Variants in CUL9 observed in about 807,000 individuals in gnomAD.
The protein encoded by CUL9 is cullin 9.
CUL9 carries 79 observed loss-of-function variants against 272.6 expected under a neutral mutation model. That is an observed-to-expected ratio of 0.29 (90% confidence interval 0.24 to 0.35). The LOEUF (loss-of-function observed/expected upper bound fraction) is 0.35. Ranked by LOEUF, CUL9 falls within the 10% of genes least tolerant of loss-of-function variation. The probability of loss-of-function intolerance (pLI) is 1.00; values close to 1 mark genes in which losing one functional copy is unlikely to be tolerated. For missense variants in CUL9, 2,532 were observed against 3,255.6 expected (o/e 0.78, Z 5.41); for synonymous variants, 1,186 against 1,286.5 (o/e 0.92, Z 1.67).
At chr6:43,194,383 A>G (rs1468333932) in intron 9 of CUL9, among the ~76,000 whole-genome samples, 1 of 151,736 alleles carries the variant, frequency 6.6e-6, no homozygotes, top group Non-Finnish European at 1.5e-5. Flanking sequence ...CAGTGGCTCA[A>G]TCTCGGCTCA....
At chr6:43,192,955 C>T in intron 8 of CUL9, 46 bp from the exon 9 acceptor site, 1 of 1,578,778 alleles carries the variant, frequency 6.3e-7, no homozygotes. Context: ...GGAGGTCAGG[C>T]AAGACTCCTT....
At chr6:43,189,221 T>TG (rs1773200202) in intron 8 of CUL9, among the ~76,000 whole-genome samples, 1 of 152,008 alleles carries the variant, frequency 6.6e-6, no homozygotes, top group Non-Finnish European at 1.5e-5. Context: ...GAGACAGTCT[T>TG]GCTATGTCGT....
intron 30 of CUL9, among the ~76,000 whole-genome samples, chr6:43,215,896 C>T (rs1775894655): frequency 1.3e-5 from 2 of 152,226 alleles, no homozygotes; most frequent in Admixed American, 1.3e-4. Flanking sequence ...GGGACTGTCC[C>T]ATCAGCTATT....
Position 43,221,091 on chromosome 6 carries a change from T to C in CUL9, c.6589-67T>C. ...TGTGATCTGTGCCTGCTCCCCTCTC[T>C]CCTGTGCACACCAGCCATGCTGCCC... On this transcript the variant is annotated intron_variant, in intron 33 of 40. Transcript: ENST00000252050. This position sits in a 1 kb window ranked among gnomAD's most constrained non-coding sequence, Gnocchi z 4.2. 12 of 1,568,648 alleles carry C rather than the reference T, an allele frequency of 7.6e-6. No individual in the cohort carries two copies. The highest frequency in any genetic ancestry group is 1.0e-5 in the Non-Finnish European group (12 of 1,157,598).
chr6:43,204,817 G>A lies in CUL9; in HGVS notation c.4409G>A (p.Arg1470Lys). The stretch of plus-strand genomic sequence containing the variant: ...CCAGTGCTTCCAAGCAGCAGCCTGA[G>A]GAACATAACCCAGTGCTGGCTGAGC... Reference protein sequence around the residue: ...PSPVLPSSSLRNITQCWLSVV... With the variant: ...PSPVLPSSSLKNITQCWLSVV... The change falls in exon 22 of 41, where the codon AGG (arginine) becomes AAG (lysine). Residue 1470 changes from arginine to lysine, a missense_variant. By Grantham distance (26) the Arg-to-Lys change is conservative. Transcript: ENST00000252050. 6.2e-7 allele frequency: 1 copy of A among 1,614,240 alleles called. No individual in the cohort carries two copies. Among genetic ancestry groups the A allele is most frequent in the Non-Finnish European group, 8.5e-7 (1 of 1,180,046 alleles).
chr6:43,198,833 ACT>A lies in CUL9; in HGVS notation c.3031_3032del (p.Leu1011AlafsTer16). On this transcript the variant is annotated frameshift_variant, in exon 12 of 41. Transcript: ENST00000252050. LOFTEE classifies it high-confidence loss of function. ...TCTGGATGCTCCGGGGCCCAACAAGACTCTGCTGCTGTCTGTGCTGAGGTGAG... is the reference window on the plus strand; with the variant it reads ...TCTGGATGCTCCGGGGCCCAACAAGACTGCTGCTGTCTGTGCTGAGGTGAG... ...RTLDAPGPNK[T>X]LLLSVLRVIT... 3.1e-6 allele frequency: 5 copies of A among 1,612,760 alleles called. No homozygotes were observed. The highest frequency in any genetic ancestry group is 1.1e-5 in the South Asian group (1 of 91,048).
chr6:43,216,524 C>T (rs747231222), intron 31 of CUL9, 21 bp downstream of exon 31: 1 of 1,556,578 alleles, frequency 6.4e-7, no homozygotes, highest in South Asian at 1.2e-5. Context: ...ACCAGCATTG[C>T]TCCTGCCCCT....
At position 43,223,403 on chromosome 6, in the gene CUL9, G is replaced by C. The variant is rs1472422719; in HGVS notation, c.7284+6G>C. The C allele has an allele frequency of 1.5e-5, 24 of 1,588,804 alleles. No homozygotes were observed. The highest frequency in any genetic ancestry group is 1.8e-5 in the Non-Finnish European group (21 of 1,166,584). On this transcript the variant is annotated splice_donor_region_variant and intron_variant, in intron 39 of 40. Coordinates refer to ENST00000252050, the MANE Select transcript of CUL9 (RefSeq NM_015089.4). The surrounding 1 kb of genome is among the most constrained non-coding windows in gnomAD (Gnocchi z 4.1). ...TCCTGCAGCATTCTGCCCAGGTACT[G>C]CCCGGCCCAGACCCCTTCTGCTCCT...
Position 43,186,067 on chromosome 6 carries a change from G to C in CUL9, c.863G>C (p.Cys288Ser). The C allele has an allele frequency of 6.2e-7, 1 of 1,614,224 alleles. No homozygotes were observed. Among genetic ancestry groups the C allele is most frequent in the South Asian group, 1.1e-5 (1 of 91,080 alleles). Residue 288 changes from cysteine to serine, a missense_variant, in exon 4 of 41, where the codon TGT (cysteine) becomes TCT (serine). By Grantham distance (112) the Cys-to-Ser change is moderately radical. This residue lies in a region of CUL9 where 2,218 missense variants were observed against 2,788.6 expected (regional missense o/e 0.80). Coordinates refer to ENST00000252050, the MANE Select transcript of CUL9 (RefSeq NM_015089.4). ...ELGAGDQSSP[C>S]ATREKSRGQR... ...GGAGCTGGAGACCAAAGCTCCCCATGTGCCACAAGAGAGAAAAGCCGGGGA... is the reference window on the plus strand; with the variant it reads ...GGAGCTGGAGACCAAAGCTCCCCATCTGCCACAAGAGAGAAAAGCCGGGGA...
At position 43,220,243 on chromosome 6, in the gene CUL9, C is replaced by G. The variant is rs1168269097; in HGVS notation, c.6283-216C>G. Among the ~76,000 whole-genome samples, 1 of 152,180 alleles carries G rather than the reference C, an allele frequency of 6.6e-6. No homozygotes were observed. Among genetic ancestry groups the G allele is most frequent in the Non-Finnish European group, 1.5e-5 (1 of 68,030 alleles). ...TAATTATGATTAGGCAAATACACAG[C>G]CCACCCCATCCTCAAAGACAACTGT... On this transcript the variant is annotated intron_variant, in intron 31 of 40. Transcript: ENST00000252050. This position sits in a 1 kb window ranked among gnomAD's most constrained non-coding sequence, Gnocchi z 4.9.
intron 8 of CUL9, among the ~76,000 whole-genome samples, chr6:43,191,677 T>C (rs1773527207): frequency 1.3e-5 from 2 of 151,390 alleles, no homozygotes; most frequent in South Asian, 4.2e-4. Flanking sequence ...CTCCGCCTCC[T>C]GGGTTCAAGC....
intron 26 of CUL9, among the ~76,000 whole-genome samples, chr6:43,211,662 T>C (rs892170369): frequency 1.3e-5 from 2 of 152,176 alleles, no homozygotes; most frequent in African/African-American, 4.8e-5. Context: ...ATTTAAAAAG[T>C]CTTTTTATTG....
At position 43,203,701 on chromosome 6, in the gene CUL9, G is replaced by C; in HGVS notation, c.4025+109G>C. 1.3e-6 allele frequency: 2 copies of C among 1,515,856 alleles called. No homozygotes were observed. The highest frequency in any genetic ancestry group is 2.3e-5 in the East Asian group (1 of 44,108). 93.9% of individuals were successfully genotyped at this position (1,515,856 alleles called of 1,614,324 possible). A position where few individuals can be genotyped will look rare whatever the true frequency, so the allele number is the denominator to read the frequency against. On this transcript the variant is annotated intron_variant, in intron 19 of 40. Coordinates refer to ENST00000252050, the MANE Select transcript of CUL9 (RefSeq NM_015089.4). This position sits in a 1 kb window ranked among gnomAD's most constrained non-coding sequence, Gnocchi z 5.0. The stretch of plus-strand genomic sequence containing the variant: ...AGGGAAAGCTGCAGCCAGGACATGA[G>C]GGGGAAGGTGAACGTAGGTGAGAAG...
rs760076216 is a variant in CUL9 at position 43,185,979 on chromosome 6, T to C, written c.775T>C (p.Leu259=). 4 of 1,609,890 alleles carry C rather than the reference T, an allele frequency of 2.5e-6. No individual in the cohort carries two copies. The South Asian group carries it at 4.4e-5, about 18-fold the overall frequency. The stretch of plus-strand genomic sequence containing the variant: ...GATCCCAGGAAAGCTGCTTTTCTCC[T>C]TGGTGAAGCGCTACCTTTGTGTCAC... ...PQIPGKLLFS[L]VKRYLCVTSL... The change falls in exon 4 of 41, where the codon TTG becomes CTG. Residue 259 remains leucine, a synonymous_variant. Transcript: ENST00000252050.
chr6:43,207,221 C>CG (rs1775120887), intron 26 of CUL9, among the ~76,000 whole-genome samples: 1 of 152,162 alleles, frequency 6.6e-6, no homozygotes, highest in Non-Finnish European at 1.5e-5. Context: ...CATGTATCTA[C>CG]CTCCCTCATA....
intron 4 of CUL9, 106 bp downstream of exon 4, chr6:43,186,561 C>T (rs1005863278): frequency 2.1e-6 from 3 of 1,447,586 alleles, no homozygotes; most frequent in Middle Eastern, 4.1e-4. Context: ...AAGAACCCCC[C>T]TGGGGAATTG....
intron 30 of CUL9, 68 bp downstream of exon 30, chr6:43,215,394 G>T: frequency 6.6e-7 from 1 of 1,512,368 alleles, no homozygotes; most frequent in East Asian, 2.3e-5. Context: ...AAGATCCCTT[G>T]TGGAGAAACA....
rs755204906 is a variant in CUL9, at chr6:43,215,195, C to A, written c.5805C>A (p.Gly1935=). ...TCTCTTGCATCCTGCACCTCTTAGG[C>A]CAGGGCTACGTGAAACGGCGTGATG... ...DVLSCILHLL[G]QGYVKRRDDR... The change falls in exon 30 of 41, where the codon GGC becomes GGA. Residue 1935 remains glycine, a synonymous_variant. Coordinates refer to ENST00000252050, the MANE Select transcript of CUL9 (RefSeq NM_015089.4). The A allele has an allele frequency of 1.2e-6, 2 of 1,614,184 alleles. No individual in the cohort carries two copies. Among genetic ancestry groups the A allele is most frequent in the African/African-American group, 2.7e-5 (2 of 75,048 alleles).
At chr6:43,188,366 A>AT in intron 7 of CUL9, 157 bp from the exon 8 acceptor site, 1 of 831,988 alleles carries the variant, frequency 1.2e-6, no homozygotes, top group Non-Finnish European at 1.8e-6. Flanking sequence ...CCTTTGTTTG[A>AT]TCATTAGATC....
Sources: gnomAD v4.1 joint callset for allele counts (sites outside exome capture counted in the v4.1 genomes callset) on GRCh38, gnomAD v4.1.1 for gene constraint, gnomAD v4.1.1 regional missense constraint, Gnocchi (gnomAD v3.1) non-coding constraint, MANE v1.5 for transcripts, NCBI Gene and HGNC (gene_info 2026-07-23, HGNC 2026-07-21) for gene names.